GPC5: variants seen among roughly 807,000 people sequenced by gnomAD.
GPC5 encodes glypican-5.
A neutral mutation model predicts 53.9 loss-of-function variants in GPC5; 47 were observed. The observed-to-expected ratio is 0.87, with a 90% CI of 0.69 to 1.11. The LOEUF (loss-of-function observed/expected upper bound fraction) is 1.11. Ranked by LOEUF, GPC5 falls within the 50% of genes most tolerant of loss-of-function variation. The probability of loss-of-function intolerance (pLI) is 0.00; values close to 1 mark genes in which losing one functional copy is unlikely to be tolerated. For missense variants in GPC5, 748 were observed against 713.1 expected (o/e 1.05, Z -0.56); for synonymous variants, 286 against 263.3 (o/e 1.09, Z -0.84).
rs1051918964 is a variant in GPC5, at chr13:91,673,978, C to G, written c.326-19209C>G. 2.0e-5 allele frequency among the ~76,000 whole-genome samples: 3 copies of G among 152,296 alleles called. No homozygotes were observed. The East Asian group carries it at 5.8e-4, about 29-fold the overall frequency. On this transcript the variant is annotated intron_variant, in intron 2 of 7. Coordinates refer to ENST00000377067, the MANE Select transcript of GPC5 (RefSeq NM_004466.6). ...CAACAAAATAAAATCCATTCGTCTA[C>G]TAACAGATGTCCCAGACTAATATTT...
chr13:92,763,155 A>G (rs1000001180), intron 7 of GPC5, among the ~76,000 whole-genome samples: 1 of 151,908 alleles, frequency 6.6e-6, no homozygotes, highest in Admixed American at 6.6e-5. Flanking sequence ...TATTCTTTTG[A>G]TGATATCATG....
At chr13:92,267,399 T>G (rs530806210) in intron 7 of GPC5, among the ~76,000 whole-genome samples, 15 of 152,236 alleles carry the variant, frequency 9.9e-5, no homozygotes, top group African/African-American at 3.4e-4. Flanking sequence ...TAATTTTATT[T>G]GACTCAGCAG....
chr13:92,189,274 A>C (rs2042205596), intron 7 of GPC5, among the ~76,000 whole-genome samples: 1 of 152,050 alleles, frequency 6.6e-6, no homozygotes, highest in Non-Finnish European at 1.5e-5. Context: ...ACCAGACCCA[A>C]TCTTTTGGGA....
chr13:92,166,381 A>C (rs1481939842), intron 7 of GPC5, among the ~76,000 whole-genome samples: 8 of 152,212 alleles, frequency 5.3e-5, no homozygotes, highest in Admixed American at 5.2e-4. Flanking sequence ...AGAAATGCTC[A>C]CAAAATCCAT....
intron 2 of GPC5, among the ~76,000 whole-genome samples, chr13:91,496,929 T>C (rs552064838): frequency 1.9e-4 from 29 of 152,270 alleles, no homozygotes; most frequent in African/African-American, 6.7e-4. Context: ...CAGTTAAAAA[T>C]AGAAAAATTT....
Position 92,381,885 on chromosome 13 carries a change from T to TG in GPC5, c.1561+236896_1561+236897insG, listed in dbSNP as rs1184085823. On this transcript the variant is annotated intron_variant, in intron 7 of 7. Coordinates refer to ENST00000377067, the MANE Select transcript of GPC5 (RefSeq NM_004466.6). ...TATATATATCATATATATGATTATATATATTATATATAATCATATATATGA... is the reference window on the plus strand; with the variant it reads ...TATATATATCATATATATGATTATATGATATTATATATAATCATATATATGA... 1.2e-4 allele frequency among the ~76,000 whole-genome samples: 11 copies of TG among 91,154 alleles called. No individual in the cohort carries two copies. The East Asian group carries it at 3.8e-3, about 31-fold the overall frequency. 59.8% of individuals were successfully genotyped at this position (91,154 alleles called of 152,430 possible).
chr13:92,044,660 G>T (rs2040967247), intron 6 of GPC5, among the ~76,000 whole-genome samples: 1 of 152,172 alleles, frequency 6.6e-6, no homozygotes, highest in African/African-American at 2.4e-5. Flanking sequence ...AAAGCTGTTA[G>T]GGTGGATGTT....
At chr13:92,117,381 A>C (rs2041609796) in intron 6 of GPC5, among the ~76,000 whole-genome samples, 1 of 152,116 alleles carries the variant, frequency 6.6e-6, no homozygotes. Flanking sequence ...GTCTTATTAG[A>C]GATGCTAAAA....
At chr13:92,114,127 C>T (rs557488523) in intron 6 of GPC5, among the ~76,000 whole-genome samples, 99 of 152,198 alleles carry the variant, frequency 6.5e-4, no homozygotes, top group African/African-American at 2.3e-3. Flanking sequence ...GGTAAGATTT[C>T]ATAATTTTTT....
chr13:91,419,386 C>T (rs1055973679), intron 1 of GPC5, among the ~76,000 whole-genome samples: 4 of 152,088 alleles, frequency 2.6e-5, no homozygotes, highest in African/African-American at 7.2e-5. Flanking sequence ...ACAAAATACA[C>T]GTACATTTTA....
At chr13:92,443,969 A>T (rs755429420) in intron 7 of GPC5, among the ~76,000 whole-genome samples, 4 of 152,190 alleles carry the variant, frequency 2.6e-5, no homozygotes, top group Admixed American at 6.5e-5. Flanking sequence ...TTTCCCAGTC[A>T]TGCTCAGCTG....
intron 7 of GPC5, among the ~76,000 whole-genome samples, chr13:92,310,922 C>G (rs527448965): frequency 6.6e-6 from 1 of 152,210 alleles, no homozygotes; most frequent in East Asian, 1.9e-4. Flanking sequence ...AGTAAATACT[C>G]AACTCTGGAT....
chr13:91,574,575 G>A (rs1196358339), intron 2 of GPC5, among the ~76,000 whole-genome samples: 3 of 152,096 alleles, frequency 2.0e-5, no homozygotes, highest in African/African-American at 7.2e-5. Context: ...GAGTCCATTT[G>A]TATATCAGAA....
At position 92,424,298 on chromosome 13, in the gene GPC5, T is replaced by G. The variant is rs533028702; in HGVS notation, c.1561+279309T>G. On this transcript the variant is annotated intron_variant, in intron 7 of 7. Transcript: ENST00000377067. Reference sequence around the variant, plus strand: ...CCAATTTTCTGTATTTTAAAATTGTTTTAATTAACATGGGTAGTATTTTAA... The same window carrying G: ...CCAATTTTCTGTATTTTAAAATTGTGTTAATTAACATGGGTAGTATTTTAA... Among the ~76,000 whole-genome samples the G allele has an allele frequency of 1.8e-4, 28 of 152,222 alleles. No homozygotes were observed. In the Middle Eastern group the frequency reaches 0.01, roughly 56 times the overall value.
At position 92,374,948 on chromosome 13, in the gene GPC5, G is replaced by T. The variant is rs78828112; in HGVS notation, c.1561+229959G>T. 4.7e-4 allele frequency among the ~76,000 whole-genome samples: 71 copies of T among 151,584 alleles called. No individual in the cohort carries two copies. The East Asian group carries it at 0.012, about 26-fold the overall frequency. On this transcript the variant is annotated intron_variant, in intron 7 of 7. Transcript: ENST00000377067. The stretch of plus-strand genomic sequence containing the variant: ...AAGAATCTGTTTAGGAAGATTCTAT[G>T]GGATGGCAGCCTTAAATAGTTGCCT...
At chr13:92,246,393 G>C (rs755741237) in intron 7 of GPC5, among the ~76,000 whole-genome samples, 5 of 152,064 alleles carry the variant, frequency 3.3e-5, no homozygotes, top group Non-Finnish European at 7.4e-5. Context: ...GTGAGAAATT[G>C]TCAAAATATT....
intron 7 of GPC5, among the ~76,000 whole-genome samples, chr13:92,495,340 C>T (rs1005922013): frequency 6.6e-6 from 1 of 152,104 alleles, no homozygotes; most frequent in Non-Finnish European, 1.5e-5. Flanking sequence ...TCTGCTGGTA[C>T]TTTTCAATTA....
At chr13:91,956,236 G>A (rs1449701117) in intron 6 of GPC5, among the ~76,000 whole-genome samples, 2 of 150,548 alleles carry the variant, frequency 1.3e-5, no homozygotes, top group African/African-American at 2.5e-5. Flanking sequence ...CACAACTATT[G>A]GCTCCTGAGT....
At chr13:91,850,502 G>T (rs898725372) in intron 5 of GPC5, among the ~76,000 whole-genome samples, 1 of 152,072 alleles carries the variant, frequency 6.6e-6, no homozygotes, top group South Asian at 2.1e-4. Context: ...TGTAATAAAA[G>T]ACATGTTTCC....
Sources: gnomAD v4.1 joint callset for allele counts (sites outside exome capture counted in the v4.1 genomes callset) on GRCh38, gnomAD v4.1.1 for gene constraint, MANE v1.5 for transcripts, NCBI Gene and HGNC (gene_info 2026-07-23, HGNC 2026-07-21) for gene names.